Variants in MUC12 observed in about 807,000 individuals in gnomAD.
The protein encoded by MUC12 is mucin 12, cell surface associated, also known as mucin-12.
A neutral mutation model predicts 230.8 loss-of-function variants in MUC12; 172 were observed. That is an observed-to-expected ratio of 0.75 (90% confidence interval 0.66 to 0.85). The LOEUF (loss-of-function observed/expected upper bound fraction) is 0.85, where lower values mean the gene tolerates loss of function less well. Ranked by LOEUF, MUC12 falls within the 40% of genes least tolerant of loss-of-function variation. The pLI is 0.00. For missense variants in MUC12, 3,506 were observed against 5,920.6 expected (o/e 0.59, Z 13.38); for synonymous variants, 1,259 against 2,401.9 (o/e 0.52, Z 13.91).
intron 1 of MUC12, among the ~76,000 whole-genome samples, chr7:100,981,817 C>G (rs895903279): frequency 6.6e-5 from 10 of 151,928 alleles, no homozygotes; most frequent in African/African-American, 2.4e-4. Context: ...CAGCCTCTGT[C>G]CCTCCATTGC....
intron 3 of MUC12, 70 bp downstream of exon 3, chr7:101,006,642 TGGAA>T: frequency 9.3e-7 from 1 of 1,080,338 alleles, no homozygotes; most frequent in South Asian, 1.3e-5. Context: ...ATGGCAGTGT[TGGAA>T]GGATCAGCCA....
At chr7:100,990,592 T>C in intron 1 of MUC12, 39 bp from the exon 2 acceptor site, 1 of 1,536,666 alleles carries the variant, frequency 6.5e-7, no homozygotes, top group South Asian at 1.2e-5. Context: ...GAGACAGTCA[T>C]AAATCATAGC....
At chr7:100,978,860 A>G (rs1282934726) in intron 1 of MUC12, among the ~76,000 whole-genome samples, 1 of 152,230 alleles carries the variant, frequency 6.6e-6, no homozygotes, top group Non-Finnish European at 1.5e-5. Flanking sequence ...CCCAGGCTGG[A>G]GTGCAGTGGC....
chr7:100,983,803 G>A (rs1482214592), intron 1 of MUC12, among the ~76,000 whole-genome samples: 4 of 152,036 alleles, frequency 2.6e-5, no homozygotes, highest in African/African-American at 9.7e-5. Flanking sequence ...CTTTTTCATT[G>A]TTTGACTTGT....
chr7:101,018,674 A>G lies in MUC12; in HGVS notation c.*38A>G, dbSNP rs1409976788. 17 of 1,523,416 alleles carry G rather than the reference A, an allele frequency of 1.1e-5. No homozygotes were observed. In the African/African-American group the frequency reaches 1.8e-4, roughly 16 times the overall value. The allele number at this position is 1,523,416 out of a possible 1,614,324, so 94.4% of individuals were successfully genotyped here. A position where few individuals can be genotyped will look rare whatever the true frequency, so the allele number is the denominator to read the frequency against. Reference sequence around the variant, plus strand: ...CTCCCACCCTCATCTAGCTCTGTTCAGGAGAGCTGCAAACACAGAGCCCAC... The same window carrying G: ...CTCCCACCCTCATCTAGCTCTGTTCGGGAGAGCTGCAAACACAGAGCCCAC... On this transcript the variant is annotated 3_prime_UTR_variant, in exon 12 of 12. Transcript: ENST00000536621.
At chr7:100,981,594 C>A in intron 1 of MUC12, 1 of 439,570 alleles carries the variant, frequency 2.3e-6, no homozygotes, top group Non-Finnish European at 4.0e-6. Flanking sequence ...TCACTTAGAG[C>A]TCAAGCTTGG....
At chr7:100,986,980 G>A (rs982405156) in intron 1 of MUC12, among the ~76,000 whole-genome samples, 1 of 151,454 alleles carries the variant, frequency 6.6e-6, no homozygotes, top group Non-Finnish European at 1.5e-5. Flanking sequence ...TAGGAAAATG[G>A]AATCCTACAC....
rs1793715071 is a variant in MUC12, at chr7:101,004,913, A to C, written c.14350A>C (p.Ser4784Arg). ...AACACACACAACAGCGTTCCCTGCCAGCACCACCACCTCAGGCCTCAGTCA... is the reference window on the plus strand; with the variant it reads ...AACACACACAACAGCGTTCCCTGCCCGCACCACCACCTCAGGCCTCAGTCA... ...ESTHTTAFPA[S>R]TTTSGLSQES... Residue 4784 changes from serine to arginine, a missense_variant, in exon 2 of 12, where the codon AGC becomes CGC. Ser to Arg is a moderately radical substitution (Grantham distance 110). Coordinates refer to ENST00000536621, the MANE Select transcript of MUC12 (RefSeq NM_001164462.2). 4.6e-6 allele frequency: 7 copies of C among 1,537,836 alleles called. No individual in the cohort carries two copies. The highest frequency in any genetic ancestry group is 6.1e-6 in the Non-Finnish European group (7 of 1,147,038).
At position 100,998,269 on chromosome 7, in the gene MUC12, C is replaced by CA. The variant is rs1793528368; in HGVS notation, c.7707dup (p.Ala2570SerfsTer4). On this transcript the variant is annotated frameshift_variant, in exon 2 of 12. Coordinates refer to ENST00000536621, the MANE Select transcript of MUC12 (RefSeq NM_001164462.2). LOFTEE classifies it high-confidence loss of function. ...ACGCCTTCACCTCCTAGCACCGCAA[C>CA]AGCCCCTGTTGAAGAATCTACAACC... 1 of 887,642 alleles carries CA rather than the reference C, an allele frequency of 1.1e-6. No homozygotes were observed. The highest frequency in any genetic ancestry group is 2.7e-5 in the East Asian group (1 of 37,574). 55.0% of individuals were successfully genotyped at this position (887,642 alleles called of 1,614,324 possible).
chr7:101,004,554 C>T lies in MUC12; in HGVS notation c.13991C>T (p.Ser4664Leu). 6 of 1,537,352 alleles carry T rather than the reference C, an allele frequency of 3.9e-6. No homozygotes were observed. The highest frequency in any genetic ancestry group is 5.2e-6 in the Non-Finnish European group (6 of 1,146,862). ...ACCAGCTACCACAGCAGCCCGGGCT[C>T]AATTGCAACAACACACTTTCCTGAG... ...EPTSYHSSPGSIATTHFPESS... is the reference protein window; with the variant it reads ...EPTSYHSSPGLIATTHFPESS... Residue 4664 changes from serine to leucine, a missense_variant, in exon 2 of 12, where the codon TCA (serine) becomes TTA (leucine). Transcript: ENST00000536621.
chr7:101,018,920 G>A lies in MUC12; in HGVS notation c.*284G>A. The A allele has an allele frequency of 2.4e-6, 1 of 420,576 alleles. No homozygotes were observed. Among genetic ancestry groups the A allele is most frequent in the East Asian group, 3.9e-5 (1 of 25,604 alleles). 26.1% of individuals were successfully genotyped at this position (420,576 alleles called of 1,614,324 possible). Reference sequence around the variant, plus strand: ...CTCTGGAATTTCCCTACCAATAAAAGCAAATCTGAAAGCTCAGAATGAGAA... The same window carrying A: ...CTCTGGAATTTCCCTACCAATAAAAACAAATCTGAAAGCTCAGAATGAGAA... On this transcript the variant is annotated 3_prime_UTR_variant, in exon 12 of 12. Transcript: ENST00000536621.
rs1256618553 is a variant in MUC12 at position 100,995,645 on chromosome 7, C to A, written c.5082C>A (p.Ser1694Arg). Residue 1694 changes from serine (S) to arginine (R), a missense_variant, in exon 2 of 12, where the codon AGC becomes AGA. Physicochemically the swap from Ser to Arg is moderately radical, Grantham distance 110. Coordinates refer to ENST00000536621, the MANE Select transcript of MUC12 (RefSeq NM_001164462.2). ...CTACCACCTTCCAGAGCTGGCCAAG[C>A]TCAAAGGACACTATGCCTGCACCTC... The part of the protein sequence containing the change: ...GESTTFQSWP[S>R]SKDTMPAPPT... 1.3e-6 allele frequency: 2 copies of A among 1,537,160 alleles called. No individual in the cohort carries two copies. The highest frequency in any genetic ancestry group is 1.7e-6 in the Non-Finnish European group (2 of 1,147,074).
chr7:100,982,358 C>T (rs1793121641), intron 1 of MUC12, among the ~76,000 whole-genome samples: 1 of 152,150 alleles, frequency 6.6e-6, no homozygotes, highest in Non-Finnish European at 1.5e-5. Flanking sequence ...TGTTCTTCTG[C>T]CCTGAAAACC....
Position 100,992,550 on chromosome 7 carries a change from G to C in MUC12, c.1987G>C (p.Gly663Arg). Residue 663 changes from glycine (G) to arginine (R), a missense_variant, in exon 2 of 12, where the codon GGC becomes CGC. Transcript: ENST00000536621. ...AFVEPSTTSH[G>R]SPSSIPTTHI... The stretch of plus-strand genomic sequence containing the variant: ...TGTTGAGCCATCTACAACCTCCCAC[G>C]GCAGCCCGAGCTCAATTCCAACAAC... 6.5e-7 allele frequency: 1 copy of C among 1,537,832 alleles called. No homozygotes were observed. The highest frequency in any genetic ancestry group is 8.7e-7 in the Non-Finnish European group (1 of 1,147,062).
In MUC12 at chr7:100,998,296, A is replaced by T; in HGVS notation, c.7733A>T (p.Tyr2578Phe). The T allele has an allele frequency of 1.1e-6, 1 of 923,320 alleles. No homozygotes were observed. The highest frequency in any genetic ancestry group is 1.6e-6 in the Non-Finnish European group (1 of 635,422). 57.2% of individuals were successfully genotyped at this position (923,320 alleles called of 1,614,324 possible). A position where few individuals can be genotyped will look rare whatever the true frequency, so the allele number is the denominator to read the frequency against. Residue 2578 changes from tyrosine (Y) to phenylalanine (F), a missense_variant, in exon 2 of 12, where the codon TAC (tyrosine) becomes TTC (phenylalanine). Physicochemically the swap from Tyr to Phe is conservative, Grantham distance 22. Coordinates refer to ENST00000536621, the MANE Select transcript of MUC12 (RefSeq NM_001164462.2). ...GCCCCTGTTGAAGAATCTACAACCT[A>T]CCACCGCAGCCCAGGCTCGACTCCA... ...ATAPVEESTT[Y>F]HRSPGSTPTT...
chr7:100,993,005 C>CAA lies in MUC12; in HGVS notation c.2443_2444insAA (p.Thr815LysfsTer272). ...AAACGACAGCGTTACCCGGCAGTAC[C>CAA]ACAACGCCAGGCCTCAGTGAGAGAT... On this transcript the variant is annotated frameshift_variant, in exon 2 of 12. Coordinates refer to ENST00000536621, the MANE Select transcript of MUC12 (RefSeq NM_001164462.2). LOFTEE classifies it high-confidence loss of function. 1 of 1,537,060 alleles carries CAA rather than the reference C, an allele frequency of 6.5e-7. No homozygotes were observed. The highest frequency in any genetic ancestry group is 2.4e-5 in the East Asian group (1 of 40,922).
chr7:100,987,060 GTTTTTTT>G (rs1176844989), intron 1 of MUC12, among the ~76,000 whole-genome samples: 11 of 91,328 alleles, frequency 1.2e-4, no homozygotes, highest in East Asian at 3.5e-4. Context: ...CAAGATAATG[GTTTTTTT>G]TTTTTTTTTT....
rs1382731165 is a variant in MUC12 at position 101,004,942 on chromosome 7, A to G, written c.14379A>G (p.Glu4793=). 1 of 1,537,790 alleles carries G rather than the reference A, an allele frequency of 6.5e-7. No individual in the cohort carries two copies. Among genetic ancestry groups the G allele is most frequent in the Non-Finnish European group, 8.7e-7 (1 of 1,147,060 alleles). ...ASTTTSGLSQ[E]STTFHSKPGS... The stretch of plus-strand genomic sequence containing the variant: ...CCACCACCTCAGGCCTCAGTCAGGA[A>G]TCAACAACTTTCCACAGTAAGCCAG... The change falls in exon 2 of 12, where the codon GAA becomes GAG. Residue 4793 remains glutamate, a synonymous_variant. Transcript: ENST00000536621.
In MUC12 at chr7:100,991,792, C is replaced by T; in HGVS notation, c.1229C>T (p.Thr410Ile). The change falls in exon 2 of 12, where the codon ACA (threonine) becomes ATA (isoleucine). Residue 410 changes from threonine to isoleucine, a missense_variant. Thr to Ile is a moderately conservative substitution (Grantham distance 89, BLOSUM62 -1). Coordinates refer to ENST00000536621, the MANE Select transcript of MUC12 (RefSeq NM_001164462.2). ...AGCACCACAGCTGCCCTAGCACATA[C>T]AAGCTACCACAGCAGCCTGGGCTCA... Reference protein sequence around the residue: ...TPSTTAALAHTSYHSSLGSTE... With the variant: ...TPSTTAALAHISYHSSLGSTE... 6 of 1,537,984 alleles carry T rather than the reference C, an allele frequency of 3.9e-6. No individual in the cohort carries two copies. In the South Asian group the frequency reaches 5.9e-5, roughly 15 times the overall value.
Sources: allele counts gnomAD v4.1 joint callset (sites outside exome capture counted in the v4.1 genomes callset), GRCh38; gene constraint gnomAD v4.1.1; transcripts MANE v1.5; gene names NCBI Gene and HGNC (gene_info 2026-07-23, HGNC 2026-07-21).